Variants in FHOD3 observed in about 807,000 individuals in gnomAD.
FHOD3 encodes the protein formin homology 2 domain containing 3.
Under a neutral mutation model 173.0 loss-of-function variants are expected in FHOD3, and 90 were observed. That is an observed-to-expected ratio of 0.52 (90% CI 0.44 to 0.62). The LOEUF is 0.62. Ranked by LOEUF, FHOD3 falls within the 20% of genes least tolerant of loss-of-function variation. FHOD3 has a pLI of 0.00. For synonymous variants in FHOD3, 828 were observed against 823.0 expected, an observed-to-expected ratio of 1.01 and a Z score of -0.10; for missense variants, 1,945 against 2,034.7, an observed-to-expected ratio of 0.96 and a Z score of 0.85.
chr18:36,340,722 C>T (rs1006585704), intron 1 of FHOD3, among the ~76,000 whole-genome samples: 4 of 151,798 alleles, frequency 2.6e-5, no homozygotes, highest in East Asian at 1.9e-4. Context: ...CTGCAAGCTC[C>T]GCCTTCCGGG....
rs778305842 is a variant in FHOD3 at position 36,744,170 on chromosome 18, G to A, written c.4018G>A (p.Gly1340Arg). The A allele has an allele frequency of 2.0e-5, 33 of 1,613,678 alleles. No homozygotes were observed. Among genetic ancestry groups the A allele is most frequent in the South Asian group, 1.1e-5 (1 of 91,030 alleles). The stretch of plus-strand genomic sequence containing the variant: ...CAGCTCCGATCTGTACTCGGAGATC[G>A]GGGCCATCACCAGGTCAGCCAAGGT... The part of the protein sequence containing the change: ...PDSSDLYSEI[G>R]AITRSAKVDF... Residue 1340 changes from glycine (G) to arginine (R), a missense_variant, in exon 23 of 29, where the codon GGG becomes AGG. Around this residue, in one of 5 missense-constraint regions of FHOD3, gnomAD observed 231 missense variants for 321.9 expected, o/e 0.72. Transcript: ENST00000590592.
chr18:36,607,593 CTT>C (rs1162984333), intron 8 of FHOD3, among the ~76,000 whole-genome samples: 1 of 152,190 alleles, frequency 6.6e-6, no homozygotes, highest in Non-Finnish European at 1.5e-5. Context: ...CTTTTTTACT[CTT>C]TACATGGCCA....
chr18:36,459,957 A>G (rs1389046620), intron 3 of FHOD3, among the ~76,000 whole-genome samples: 1 of 152,090 alleles, frequency 6.6e-6, no homozygotes, highest in Non-Finnish European at 1.5e-5. Context: ...ACAGTTTCTC[A>G]GACTTTCCTT....
At chr18:36,733,929 G>A (rs1321805731) in intron 20 of FHOD3, among the ~76,000 whole-genome samples, 4 of 152,200 alleles carry the variant, frequency 2.6e-5, no homozygotes, top group Admixed American at 1.3e-4. Flanking sequence ...AAGCTCTGAA[G>A]CTTGAATCCA....
intron 1 of FHOD3, among the ~76,000 whole-genome samples, chr18:36,342,137 A>T (rs980862525): frequency 6.6e-6 from 1 of 152,238 alleles, no homozygotes. Flanking sequence ...GGGAGAATTA[A>T]TGATCTGGAA....
At chr18:36,338,149 T>C (rs1025544234) in intron 1 of FHOD3, among the ~76,000 whole-genome samples, 1 of 152,252 alleles carries the variant, frequency 6.6e-6, no homozygotes, top group Non-Finnish European at 1.5e-5. Context: ...ATTAGTGTTA[T>C]GTACAGTTGA....
intron 3 of FHOD3, among the ~76,000 whole-genome samples, chr18:36,498,752 A>G (rs180921605): frequency 6.6e-6 from 1 of 152,356 alleles, no homozygotes; most frequent in Non-Finnish European, 1.5e-5. Flanking sequence ...CCATTGCAAG[A>G]AAAGAAACTA....
intron 5 of FHOD3, among the ~76,000 whole-genome samples, chr18:36,529,890 GA>G (rs1446982730): frequency 2.6e-5 from 4 of 152,098 alleles, no homozygotes; most frequent in Admixed American, 6.5e-5. Context: ...GTTCAGCATC[GA>G]AAGTCAGATC....
intron 3 of FHOD3, among the ~76,000 whole-genome samples, chr18:36,448,927 C>A (rs531621262): frequency 1.3e-4 from 20 of 151,742 alleles, no homozygotes; most frequent in African/African-American, 4.8e-4. Flanking sequence ...TTTATTCAAC[C>A]CAGAGCCCCC....
At chr18:36,690,514 G>C (rs543101948) in intron 16 of FHOD3, among the ~76,000 whole-genome samples, 1 of 152,252 alleles carries the variant, frequency 6.6e-6, no homozygotes, top group Admixed American at 6.5e-5. Context: ...CTAGGAAAAG[G>C]TCATGACATA....
chr18:36,723,115 C>T (rs1259266159), intron 19 of FHOD3, among the ~76,000 whole-genome samples: 1 of 152,154 alleles, frequency 6.6e-6, no homozygotes. Context: ...CCAAAAGCCC[C>T]TGGAGGGCAT....
At chr18:36,656,881 C>G (rs1261602993) in intron 13 of FHOD3, among the ~76,000 whole-genome samples, 1 of 152,060 alleles carries the variant, frequency 6.6e-6, no homozygotes, top group Non-Finnish European at 1.5e-5. Context: ...CTACCATGAT[C>G]TAAATAATGT....
chr18:36,327,595 C>T (rs1483718129), intron 1 of FHOD3, among the ~76,000 whole-genome samples: 2 of 152,188 alleles, frequency 1.3e-5, no homozygotes, highest in Non-Finnish European at 1.5e-5. Flanking sequence ...AGCTGGTGAA[C>T]AGCAGTGTAG....
At chr18:36,379,531 A>T (rs564764987) in intron 3 of FHOD3, among the ~76,000 whole-genome samples, 1 of 152,332 alleles carries the variant, frequency 6.6e-6, no homozygotes, top group African/African-American at 2.4e-5. Context: ...TTGGTCACTT[A>T]ACAAGGAACA....
intron 5 of FHOD3, among the ~76,000 whole-genome samples, chr18:36,559,919 C>T (rs2058029846): frequency 6.6e-6 from 1 of 152,122 alleles, no homozygotes; most frequent in South Asian, 2.1e-4. Context: ...TTGACCCTTA[C>T]CTTTCTCTGT....
At chr18:36,693,907 T>C (rs1240928361) in intron 17 of FHOD3, among the ~76,000 whole-genome samples, 2 of 152,188 alleles carry the variant, frequency 1.3e-5, no homozygotes, top group African/African-American at 4.8e-5. Context: ...AGGAAAATAA[T>C]TCAAATTGTA....
chr18:36,536,278 T>G lies in FHOD3; in HGVS notation c.511+23735T>G, dbSNP rs533639529. Among the ~76,000 whole-genome samples the G allele has an allele frequency of 2.3e-4, 35 of 152,366 alleles. No individual in the cohort carries two copies. The South Asian group carries it at 7.0e-3, about 31-fold the overall frequency. Reference sequence around the variant, plus strand: ...CATGGATGGGGCCAAGGTAACTGTCTGGTCTTATACAAATACAATTTCATC... The same window carrying G: ...CATGGATGGGGCCAAGGTAACTGTCGGGTCTTATACAAATACAATTTCATC... On this transcript the variant is annotated intron_variant, in intron 5 of 28. Transcript: ENST00000590592.
At position 36,618,310 on chromosome 18, in the gene FHOD3, G is replaced by GTTTTTTTTTTTTTTTTTTTTTTTTT. The variant is rs1465774220; in HGVS notation, c.957+6215_957+6216insTTTTTTTTTTTTTTTTTTTTTTTTT. On this transcript the variant is annotated intron_variant, in intron 9 of 28. Coordinates refer to ENST00000590592, the MANE Select transcript of FHOD3 (RefSeq NM_001281740.3). ...CCATTTGGTAATGATGTTTTTTGGT[G>GTTTTTTTTTTTTTTTTTTTTTTTTT]GTTTTTTTTTTTTTTTTTTTTTTGA... Among the ~76,000 whole-genome samples, 3 of 85,226 alleles carry GTTTTTTTTTTTTTTTTTTTTTTTTT rather than the reference G, an allele frequency of 3.5e-5. 1 individual carries two copies. 55.9% of individuals were successfully genotyped at this position (85,226 alleles called of 152,430 possible).
rs58493993 is a variant in FHOD3 at position 36,514,014 on chromosome 18, C to CTTT, written c.511+1481_511+1483dup. Among the ~76,000 whole-genome samples the CTTT allele has an allele frequency of 1.1e-4, 11 of 104,662 alleles. 1 individual carries two copies. Among genetic ancestry groups the CTTT allele is most frequent in the South Asian group, 3.7e-4 (1 of 2,738 alleles). The allele number at this position is 104,662 out of a possible 152,430, so 68.7% of individuals were successfully genotyped here. On this transcript the variant is annotated intron_variant, in intron 5 of 28. Transcript: ENST00000590592. ...ATTGCTGAATTTTGCTATTTCTATTCTTTTTTTTTTTTGAGATGGAGTCTT... is the reference window on the plus strand; with the variant it reads ...ATTGCTGAATTTTGCTATTTCTATTCTTTTTTTTTTTTTTTGAGATGGAGTCTT...
Sources: gnomAD v4.1 joint callset for allele counts (sites outside exome capture counted in the v4.1 genomes callset) on GRCh38, gnomAD v4.1.1 for gene constraint, gnomAD v4.1.1 regional missense constraint, MANE v1.5 for transcripts, NCBI Gene and HGNC (gene_info 2026-07-23, HGNC 2026-07-21) for gene names.